The following EPHA6 variants were observed in gnomAD, a reference collection of about 807,000 sequenced individuals.
The protein encoded by EPHA6 is ephrin type-A receptor 6.
A neutral mutation model predicts 112.0 loss-of-function variants in EPHA6; 50 were observed. The ratio of observed to expected loss-of-function variants is 0.45; its 90% CI spans 0.36 to 0.56. EPHA6 has a LOEUF of 0.56. Ranked by LOEUF, EPHA6 falls within the 20% of genes least tolerant of loss-of-function variation. The pLI, the probability that EPHA6 is intolerant of heterozygous loss-of-function variation, is 0.00. For missense variants in EPHA6, 1,280 were observed against 1,417.4 expected, an observed-to-expected ratio of 0.90 and a Z score of 1.56; for synonymous variants, 529 against 490.7, an observed-to-expected ratio of 1.08 and a Z score of -1.03.
At chr3:97,048,663 T>C (rs866961310) in intron 3 of EPHA6, among the ~76,000 whole-genome samples, 2 of 152,186 alleles carry the variant, frequency 1.3e-5, no homozygotes, top group Non-Finnish European at 2.9e-5. Flanking sequence ...ATCTGTAATA[T>C]TTGTACATGG....
At chr3:96,849,725 A>T (rs767449171) in intron 1 of EPHA6, among the ~76,000 whole-genome samples, 24 of 152,160 alleles carry the variant, frequency 1.6e-4, no homozygotes, top group Non-Finnish European at 2.4e-4. Context: ...ACTTAAATTT[A>T]AATGGTCCTG....
At position 97,085,951 on chromosome 3, in the gene EPHA6, A is replaced by ATATATATATATATATATATATATATG. The variant is rs1434635976; in HGVS notation, c.1114+97958_1114+97959insTATATATATATATATATATATATATG. On this transcript the variant is annotated intron_variant, in intron 3 of 17. Transcript: ENST00000389672. Reference sequence around the variant, plus strand: ...GTCATATATATATATATATATATACACACTGAGATGGAGTCTCTTGTCACT... The same window carrying ATATATATATATATATATATATATATG: ...GTCATATATATATATATATATATACATATATATATATATATATATATATATGCACTGAGATGGAGTCTCTTGTCACT... Among the ~76,000 whole-genome samples, 67 of 145,902 alleles carry ATATATATATATATATATATATATATG rather than the reference A, an allele frequency of 4.6e-4. 2 individuals carry two copies. The highest frequency in any genetic ancestry group is 1.7e-3 in the African/African-American group (63 of 36,794).
In EPHA6 at chr3:97,752,915, T is replaced by C. The variant is rs2035935997; in HGVS notation, c.*4214T>C. ...TTCTTTTAGTATGAGCATCTTAACT[T>C]TTCCAATCTCAAATTCTGTGAAGTA... On this transcript the variant is annotated 3_prime_UTR_variant, in exon 18 of 18. Coordinates refer to ENST00000389672, the MANE Select transcript of EPHA6 (RefSeq NM_001080448.3). Among the ~76,000 whole-genome samples, 1 of 152,092 alleles carries C rather than the reference T, an allele frequency of 6.6e-6. No homozygotes were observed. Among genetic ancestry groups the C allele is most frequent in the Non-Finnish European group, 1.5e-5 (1 of 67,984 alleles).
intron 3 of EPHA6, among the ~76,000 whole-genome samples, chr3:97,206,322 CTT>C (rs2077711408): frequency 6.6e-6 from 1 of 152,002 alleles, no homozygotes; most frequent in Non-Finnish European, 1.5e-5. Flanking sequence ...TATGTAAACT[CTT>C]TATCCTTAGT....
intron 3 of EPHA6, among the ~76,000 whole-genome samples, chr3:97,076,191 A>G (rs1039406328): frequency 3.3e-5 from 5 of 152,210 alleles, no homozygotes; most frequent in Admixed American, 6.6e-5. Context: ...CTCAAAGCTA[A>G]TCTTTTTGTG....
At chr3:97,585,733 T>C (rs1208964982) in intron 11 of EPHA6, among the ~76,000 whole-genome samples, 1 of 152,198 alleles carries the variant, frequency 6.6e-6, no homozygotes, top group Non-Finnish European at 1.5e-5. Flanking sequence ...TAGGGGCATG[T>C]CAAGTTACAA....
intron 11 of EPHA6, among the ~76,000 whole-genome samples, chr3:97,556,535 C>A (rs1244265024): frequency 2.0e-5 from 3 of 151,962 alleles, no homozygotes; most frequent in Admixed American, 2.0e-4. Context: ...ACCATCAGAT[C>A]TTTTAAGAAC....
At chr3:97,076,133 A>T (rs1404723632) in intron 3 of EPHA6, among the ~76,000 whole-genome samples, 1 of 152,160 alleles carries the variant, frequency 6.6e-6, no homozygotes, top group Non-Finnish European at 1.5e-5. Context: ...ATAAAAAGCT[A>T]TAAATGATTA....
At chr3:97,641,630 G>A (rs1398988219) in intron 14 of EPHA6, among the ~76,000 whole-genome samples, 1 of 152,262 alleles carries the variant, frequency 6.6e-6, no homozygotes, top group Admixed American at 6.5e-5. Context: ...CCTCCCTTGG[G>A]AAGCGCAAGG....
At chr3:97,188,349 ATATT>A (rs578146963) in intron 3 of EPHA6, among the ~76,000 whole-genome samples, 335 of 152,226 alleles carry the variant, frequency 2.2e-3, no homozygotes, top group Non-Finnish European at 3.6e-3. Flanking sequence ...TTTAAAAAAT[ATATT>A]TAAAGTAGAC....
At chr3:97,642,137 C>T (rs1389492547) in intron 14 of EPHA6, among the ~76,000 whole-genome samples, 1 of 128,806 alleles carries the variant, frequency 7.8e-6, no homozygotes, top group Non-Finnish European at 1.7e-5. Context: ...TGACCCCTGA[C>T]CCCCGAGCAG....
At chr3:97,115,905 C>G (rs1267832419) in intron 3 of EPHA6, among the ~76,000 whole-genome samples, 1 of 151,772 alleles carries the variant, frequency 6.6e-6, no homozygotes, top group African/African-American at 2.4e-5. Context: ...CAAAATCACC[C>G]TTATATTGCC....
intron 2 of EPHA6, among the ~76,000 whole-genome samples, chr3:96,950,402 A>G (rs1022481399): frequency 6.6e-6 from 1 of 152,132 alleles, no homozygotes; most frequent in Non-Finnish European, 1.5e-5. Flanking sequence ...TACTGGTGTA[A>G]GCCTCTTTGC....
intron 12 of EPHA6, among the ~76,000 whole-genome samples, chr3:97,593,737 T>C (rs1316278414): frequency 1.3e-5 from 2 of 152,318 alleles, no homozygotes; most frequent in African/African-American, 4.8e-5. Context: ...TTTCCTTTGC[T>C]TTTCAATTAC....
chr3:97,502,992 A>G lies in EPHA6; in HGVS notation c.2200+18933A>G, dbSNP rs146810357. On this transcript the variant is annotated intron_variant, in intron 10 of 17. Coordinates refer to ENST00000389672, the MANE Select transcript of EPHA6 (RefSeq NM_001080448.3). ...TTTTCAAACTAACTCTGACAAAACA[A>G]ATCAAGAAAAATATAAGGTATAAGT... Among the ~76,000 whole-genome samples the G allele has an allele frequency of 6.5e-3, 989 of 152,076 alleles. 12 individuals carry two copies. The highest frequency in any genetic ancestry group is 0.022 in the African/African-American group (909 of 41,514).
chr3:97,349,849 C>A (rs1385961968), intron 5 of EPHA6, among the ~76,000 whole-genome samples: 1 of 151,970 alleles, frequency 6.6e-6, no homozygotes, highest in Non-Finnish European at 1.5e-5. Context: ...ACATTATGTT[C>A]CAGACGTGAT....
chr3:97,243,758 C>T (rs547607834), intron 4 of EPHA6, among the ~76,000 whole-genome samples, 194 bp from the exon 5 acceptor site: 5 of 151,762 alleles, frequency 3.3e-5, no homozygotes, highest in Admixed American at 6.6e-5. Context: ...TGATATAGAT[C>T]TTCATTCCTC....
chr3:97,013,438 A>G (rs975068375), intron 3 of EPHA6, among the ~76,000 whole-genome samples: 2 of 152,100 alleles, frequency 1.3e-5, no homozygotes, highest in East Asian at 3.9e-4. Context: ...TTCTGCTTTT[A>G]GCAATCCTAG....
chr3:97,540,506 T>A (rs914644520), intron 11 of EPHA6, among the ~76,000 whole-genome samples: 3 of 152,204 alleles, frequency 2.0e-5, no homozygotes, highest in Non-Finnish European at 4.4e-5. Context: ...ATTTATTGGT[T>A]GTCCTTCTAG....
Sources: gnomAD v4.1 joint callset for allele counts (sites outside exome capture counted in the v4.1 genomes callset) on GRCh38, gnomAD v4.1.1 for gene constraint, MANE v1.5 for transcripts, NCBI Gene and HGNC (gene_info 2026-07-23, HGNC 2026-07-21) for gene names.